TCF7L2: variants seen among roughly 807,000 people sequenced by gnomAD.
TCF7L2 encodes the protein transcription factor 7-like 2.
TCF7L2 carries 23 observed loss-of-function variants against 77.9 expected under a neutral mutation model. The observed-to-expected ratio is 0.30, with a 90% CI of 0.21 to 0.42. TCF7L2 has a LOEUF of 0.42. TCF7L2 is among the 10% of genes least tolerant of loss of function. TCF7L2 has a pLI of 1.00. For synonymous variants in TCF7L2, 413 were observed against 340.2 expected (o/e 1.21, Z -2.36); for missense variants, 654 against 793.1 (o/e 0.82, Z 2.11).
chr10:113,124,599 G>T lies in TCF7L2; in HGVS notation c.553-16585G>T, dbSNP rs1017322291. On this transcript the variant is annotated intron_variant, in intron 5 of 13. Coordinates refer to ENST00000627217, the MANE Select transcript of TCF7L2 (RefSeq NM_001146274.2). ...ATATATGTATAATATAGTTATAAGT[G>T]ATATAACTCTGCAGGACATAGATAT... is the stretch of plus-strand genomic sequence containing the variant. Among the ~76,000 whole-genome samples the T allele has an allele frequency of 3.3e-5, 5 of 152,146 alleles. No individual in the cohort carries two copies. The East Asian group carries it at 9.6e-4, about 29-fold the overall frequency.
intron 4 of TCF7L2, among the ~76,000 whole-genome samples, chr10:112,986,899 A>T (rs1192341059): frequency 6.6e-6 from 1 of 152,084 alleles, no homozygotes; most frequent in Admixed American, 6.6e-5. Flanking sequence ...AGCCTGTTTT[A>T]TGTCACTGTT....
At chr10:113,000,083 T>C (rs772796642) in intron 4 of TCF7L2, among the ~76,000 whole-genome samples, 4 of 152,202 alleles carry the variant, frequency 2.6e-5, no homozygotes, top group Non-Finnish European at 4.4e-5. Flanking sequence ...ATTAGGATAT[T>C]GAAGGCTCTG....
chr10:113,157,375 C>T (rs2072159752), intron 11 of TCF7L2, among the ~76,000 whole-genome samples: 1 of 152,224 alleles, frequency 6.6e-6, no homozygotes, highest in African/African-American at 2.4e-5. Context: ...ACCTCCGCCC[C>T]TCAGAGTGCC....
At chr10:113,119,692 AT>A (rs1248224877) in intron 5 of TCF7L2, among the ~76,000 whole-genome samples, 1 of 151,220 alleles carries the variant, frequency 6.6e-6, no homozygotes, top group African/African-American at 2.4e-5. Flanking sequence ...AAAAAAACTT[AT>A]CGAAGGTTTC....
chr10:113,119,735 C>G (rs1210003754), intron 5 of TCF7L2, among the ~76,000 whole-genome samples: 1 of 151,656 alleles, frequency 6.6e-6, no homozygotes, highest in African/African-American at 2.4e-5. Context: ...AGTTATGTGG[C>G]AAAGTTTATT....
At chr10:113,127,617 T>A (rs1323685207) in intron 5 of TCF7L2, among the ~76,000 whole-genome samples, 4 of 152,064 alleles carry the variant, frequency 2.6e-5, no homozygotes, top group African/African-American at 7.2e-5. Flanking sequence ...TCTTTTTTTT[T>A]AAACCCTACA....
At chr10:112,956,366 T>A (rs867855943) in intron 3 of TCF7L2, among the ~76,000 whole-genome samples, 125 of 139,570 alleles carry the variant, frequency 9.0e-4, no homozygotes, top group African/African-American at 3.5e-3. Context: ...TTTTTTTTTT[T>A]TAAATGCTGG....
At chr10:113,045,040 G>T (rs2053178856) in intron 5 of TCF7L2, among the ~76,000 whole-genome samples, 1 of 152,288 alleles carries the variant, frequency 6.6e-6, no homozygotes. Flanking sequence ...GAGAGTCAAA[G>T]GTAGGTAGAT....
Position 113,105,116 on chromosome 10 carries a change from C to A in TCF7L2, c.553-36068C>A, listed in dbSNP as rs182303745. On this transcript the variant is annotated intron_variant, in intron 5 of 13. Coordinates refer to ENST00000627217, the MANE Select transcript of TCF7L2 (RefSeq NM_001146274.2). ...AAGCCTGCACAATAGGTCTCATTAA[C>A]TTCCAGAGTGACATGACAGGGACTC... Among the ~76,000 whole-genome samples, 4 of 152,314 alleles carry A rather than the reference C, an allele frequency of 2.6e-5. No individual in the cohort carries two copies. In the East Asian group the frequency reaches 7.7e-4, roughly 29 times the overall value.
At chr10:113,011,376 A>C (rs1040362271) in intron 4 of TCF7L2, among the ~76,000 whole-genome samples, 1 of 152,154 alleles carries the variant, frequency 6.6e-6, no homozygotes, top group Non-Finnish European at 1.5e-5. Context: ...GTTGTGTGGT[A>C]TTCTGTCCTC....
chr10:113,150,847 G>T (rs1315282365), intron 8 of TCF7L2, 151 bp from the exon 9 acceptor site: 1 of 910,950 alleles, frequency 1.1e-6, no homozygotes, highest in South Asian at 1.9e-5. Flanking sequence ...TTAATTTATC[G>T]CTAATTAATG....
At chr10:112,985,884 G>T (rs1390699456) in intron 4 of TCF7L2, among the ~76,000 whole-genome samples, 1 of 152,008 alleles carries the variant, frequency 6.6e-6, no homozygotes, top group East Asian at 1.9e-4. Context: ...GTGTGTGTGT[G>T]TGTGTGTGCA....
At chr10:113,125,773 A>C (rs926123525) in intron 5 of TCF7L2, 8 of 149,892 alleles carry the variant, frequency 5.3e-5, no homozygotes, top group African/African-American at 1.7e-4. Flanking sequence ...CTATAGCAAA[A>C]AGCTAGGTAC....
At chr10:112,993,513 G>GA (rs796647467) in intron 4 of TCF7L2, among the ~76,000 whole-genome samples, 6 of 146,646 alleles carry the variant, frequency 4.1e-5, no homozygotes, top group East Asian at 4.0e-4. Flanking sequence ...CTCAAAAAAA[G>GA]AAAAAAAAAA....
chr10:113,097,381 G>A (rs1411278376), intron 5 of TCF7L2, among the ~76,000 whole-genome samples: 1 of 152,120 alleles, frequency 6.6e-6, no homozygotes, highest in Non-Finnish European at 1.5e-5. Flanking sequence ...GGCCGGGCAC[G>A]GTGGCTCACG....
At chr10:113,129,882 A>AATTTTAGTGGGAATGGAAG (rs1480144291) in intron 5 of TCF7L2, 2 of 1,290,496 alleles carry the variant, frequency 1.5e-6, no homozygotes, top group South Asian at 2.5e-5. Context: ...CTAGGGACAC[A>AATTTTAGTGGGAATGGAAG]ATTTTAGTGG....
chr10:113,129,867 G>A lies in TCF7L2; in HGVS notation c.553-11317G>A, dbSNP rs1470199221. On this transcript the variant is annotated intron_variant, in intron 5 of 13. Coordinates refer to ENST00000627217, the MANE Select transcript of TCF7L2 (RefSeq NM_001146274.2). ...AGAGAGGGAAAACCAAGGCTGTTAT[G>A]TACCCTAGGGACACAATTTTAGTGG... 6 of 1,289,808 alleles carry A rather than the reference G, an allele frequency of 4.7e-6. No individual in the cohort carries two copies. In the Admixed American group the frequency reaches 1.1e-4, roughly 25 times the overall value. The allele number at this position is 1,289,808 out of a possible 1,614,324, so 79.9% of individuals were successfully genotyped here.
chr10:113,130,587 G>A (rs1426630709), intron 5 of TCF7L2, among the ~76,000 whole-genome samples: 2 of 152,016 alleles, frequency 1.3e-5, no homozygotes, highest in South Asian at 2.1e-4. Context: ...TGCTTGTGGT[G>A]TGTTTTGTAA....
chr10:112,982,750 G>A (rs757517673), intron 4 of TCF7L2, among the ~76,000 whole-genome samples: 1 of 152,032 alleles, frequency 6.6e-6, no homozygotes, highest in Non-Finnish European at 1.5e-5. Flanking sequence ...TCAGCCTCCC[G>A]AGTAGCTGGG....
Sources: gnomAD v4.1 joint callset for allele counts (sites outside exome capture counted in the v4.1 genomes callset) on GRCh38, gnomAD v4.1.1 for gene constraint, MANE v1.5 for transcripts, NCBI Gene and HGNC (gene_info 2026-07-23, HGNC 2026-07-21) for gene names.